Variants in SP100 observed in about 807,000 individuals in gnomAD.
SP100 encodes nuclear autoantigen Sp-100.
In SP100, 84 loss-of-function variants were observed where a neutral mutation model predicts 130.0. The observed-to-expected ratio is 0.65, with a 90% CI of 0.54 to 0.77. SP100 has a LOEUF of 0.77. SP100 is among the 30% of genes least tolerant of loss of function. The pLI is 0.00. For synonymous variants in SP100, 331 were observed against 351.7 expected, an observed-to-expected ratio of 0.94 and a Z score of 0.66; for missense variants, 978 against 1,052.2, an observed-to-expected ratio of 0.93 and a Z score of 0.97.
intron 24 of SP100, among the ~76,000 whole-genome samples, chr2:230,523,915 A>C (rs1466673930): frequency 6.6e-6 from 1 of 152,108 alleles, no homozygotes; most frequent in Non-Finnish European, 1.5e-5. Flanking sequence ...ATCTCAAAAA[A>C]AAAAATTATT....
At chr2:230,506,731 A>T (rs959268721) in intron 22 of SP100, 27 of 274,030 alleles carry the variant, frequency 9.9e-5, no homozygotes, top group Non-Finnish European at 1.7e-4. Flanking sequence ...ACATGAAAGT[A>T]ACTTAAGTTG....
intron 24 of SP100, among the ~76,000 whole-genome samples, chr2:230,519,839 A>G (rs1330489677): frequency 1.3e-5 from 2 of 152,100 alleles, no homozygotes; most frequent in Admixed American, 6.6e-5. Flanking sequence ...AAAGATCCCC[A>G]TTTTGGCCAC....
chr2:230,464,609 G>A (rs1039048291), intron 11 of SP100, among the ~76,000 whole-genome samples: 9 of 140,626 alleles, frequency 6.4e-5, no homozygotes, highest in African/African-American at 1.2e-4. Flanking sequence ...AATTATTAAT[G>A]GCAAAAAAAA....
chr2:230,430,964 T>C (rs2063081813), intron 2 of SP100, among the ~76,000 whole-genome samples: 2 of 152,198 alleles, frequency 1.3e-5, no homozygotes, highest in Admixed American at 6.5e-5. Context: ...AGAATTTCTT[T>C]GGGGGTTCCC....
At chr2:230,446,737 A>C (rs2063727270) in intron 4 of SP100, 82 bp from the exon 5 acceptor site, 2 of 879,902 alleles carry the variant, frequency 2.3e-6, no homozygotes, top group Admixed American at 4.7e-5. Context: ...CAAGGGCTGG[A>C]AATTCCTAAA....
Position 230,468,988 on chromosome 2 carries a change from G to A in SP100, c.1292-55G>A, listed in dbSNP as rs370265331. On this transcript the variant is annotated intron_variant, in intron 13 of 28. Coordinates refer to ENST00000340126, the MANE Select transcript of SP100 (RefSeq NM_001080391.2). ...CTGTCAACAGTGTAAGCAGTCATAA[G>A]ATTTATAGATCTTTTAGTTAGATAT... 9.4e-5 allele frequency: 105 copies of A among 1,117,190 alleles called. No homozygotes were observed. In the African/African-American group the frequency reaches 1.4e-3, roughly 15 times the overall value. The allele number at this position is 1,117,190 out of a possible 1,614,324, so 69.2% of individuals were successfully genotyped here. A position where few individuals can be genotyped will look rare whatever the true frequency, so the allele number is the denominator to read the frequency against.
At chr2:230,506,523 C>T in intron 22 of SP100, 78 bp downstream of exon 22, 1 of 1,453,814 alleles carries the variant, frequency 6.9e-7, no homozygotes, top group South Asian at 1.2e-5. Context: ...CAGAATTTCT[C>T]AGTGCCCAGA....
intron 2 of SP100, among the ~76,000 whole-genome samples, chr2:230,418,049 G>A (rs1437868300): frequency 6.6e-6 from 1 of 152,092 alleles, no homozygotes; most frequent in Non-Finnish European, 1.5e-5. Context: ...TCTGTGTTAA[G>A]GTGGCAGATT....
At chr2:230,426,501 G>A (rs1283419429) in intron 2 of SP100, among the ~76,000 whole-genome samples, 1 of 144,536 alleles carries the variant, frequency 6.9e-6, no homozygotes, top group Non-Finnish European at 1.5e-5. Context: ...TGGTTATTCA[G>A]GAATGTGTTG....
intron 21 of SP100, among the ~76,000 whole-genome samples, chr2:230,505,663 A>G (rs1462782689): frequency 6.6e-6 from 1 of 152,246 alleles, no homozygotes; most frequent in Non-Finnish European, 1.5e-5. Context: ...ACACCTCCCC[A>G]CAACATAGTT....
At chr2:230,473,465 A>T (rs1344545101) in intron 16 of SP100, 25 bp downstream of exon 16, 2 of 1,418,768 alleles carry the variant, frequency 1.4e-6, no homozygotes, top group Non-Finnish European at 2.0e-6. Flanking sequence ...GGGTCTTGGG[A>T]TGGAAGTGGC....
chr2:230,479,118 G>A (rs2065709060), intron 17 of SP100, among the ~76,000 whole-genome samples: 2 of 152,182 alleles, frequency 1.3e-5, no homozygotes, highest in African/African-American at 4.8e-5. Context: ...ACCGTGCCCG[G>A]CCTAGGATGC....
At chr2:230,438,648 TACAC>T (rs796889943) in intron 2 of SP100, among the ~76,000 whole-genome samples, 2,323 of 127,466 alleles carry the variant, frequency 0.018, 23 homozygotes, top group South Asian at 0.033. Flanking sequence ...TGTATATATA[TACAC>T]ACACACACAC....
chr2:230,520,251 C>T (rs1382445083), intron 24 of SP100, among the ~76,000 whole-genome samples: 2 of 152,136 alleles, frequency 1.3e-5, no homozygotes, highest in East Asian at 1.9e-4. Flanking sequence ...GCCCTGACAC[C>T]TCCGCTATTG....
At chr2:230,421,444 C>T (rs1405579036) in intron 2 of SP100, among the ~76,000 whole-genome samples, 1 of 151,710 alleles carries the variant, frequency 6.6e-6, no homozygotes, top group Admixed American at 6.6e-5. Context: ...GCTTTACTAT[C>T]TCATTTTGGT....
Position 230,416,324 on chromosome 2 carries a change from AC to A in SP100, c.30del (p.Arg11GlyfsTer3). ...GGCAGGTGGGGGCGGCGACCTGAGCACCAGGTGAGTCTTTATCTCCCTTCCT... is the reference window on the plus strand; with the variant it reads ...GGCAGGTGGGGGCGGCGACCTGAGCACAGGTGAGTCTTTATCTCCCTTCCT... The part of the protein sequence containing the change: MAGGGGDLS[T>X]RRLNECISPV... On this transcript the variant is annotated frameshift_variant, in exon 1 of 29. Coordinates refer to ENST00000340126, the MANE Select transcript of SP100 (RefSeq NM_001080391.2). LOFTEE classifies it high-confidence loss of function. 6.2e-7 allele frequency: 1 copy of A among 1,613,378 alleles called. No individual in the cohort carries two copies. Among genetic ancestry groups the A allele is most frequent in the Non-Finnish European group, 8.5e-7 (1 of 1,179,418 alleles).
At position 230,543,133 on chromosome 2, in the gene SP100, A is replaced by G. The variant is rs116132819; in HGVS notation, c.*187A>G. On this transcript the variant is annotated 3_prime_UTR_variant, in exon 29 of 29. Coordinates refer to ENST00000340126, the MANE Select transcript of SP100 (RefSeq NM_001080391.2). ...ACACCCCTTCATGTTAAAAATTCTC[A>G]ATAAGCTAGGTATTGAGGAACATAT... 5,920 of 423,514 alleles carry G rather than the reference A, an allele frequency of 0.014. 296 individuals carry two copies. In the African/African-American group the frequency reaches 0.16, roughly 11 times the overall value. The allele number at this position is 423,514 out of a possible 1,614,324, so 26.2% of individuals were successfully genotyped here.
chr2:230,471,545 T>C (rs62193416), intron 15 of SP100, among the ~76,000 whole-genome samples: 2,882 of 152,256 alleles, frequency 0.019, 48 homozygotes, highest in Non-Finnish European at 0.029. Context: ...TGATGTTCAG[T>C]TCATTATTAA....
intron 18 of SP100, among the ~76,000 whole-genome samples, chr2:230,497,468 G>A (rs1373617649): frequency 1.6e-5 from 1 of 62,518 alleles, no homozygotes; most frequent in Non-Finnish European, 3.3e-5. Flanking sequence ...ATGAAGGGAA[G>A]GAGGGGAGGG....
Sources: allele counts gnomAD v4.1 joint callset (sites outside exome capture counted in the v4.1 genomes callset), GRCh38; gene constraint gnomAD v4.1.1; transcripts MANE v1.5; gene names NCBI Gene and HGNC (gene_info 2026-07-23, HGNC 2026-07-21).